The following ACOT11 variants were observed in gnomAD, a reference collection of about 807,000 sequenced individuals.
ACOT11 encodes the protein acyl-CoA thioesterase 11.
In ACOT11, 69 loss-of-function variants were observed where a neutral mutation model predicts 77.5. The ratio of observed to expected loss-of-function variants is 0.89; its 90% CI spans 0.73 to 1.09. The LOEUF (loss-of-function observed/expected upper bound fraction) is 1.09, where lower values mean the gene tolerates loss of function less well. Ranked by LOEUF, ACOT11 falls within the 50% of genes least tolerant of loss-of-function variation. ACOT11 has a pLI of 0.00. For missense variants in ACOT11, 766 were observed against 813.7 expected (o/e 0.94, Z 0.71); for synonymous variants, 279 against 313.0 (o/e 0.89, Z 1.15).
At chr1:54,551,130 C>CAAAAAAAAAAAA (rs11367325) in intron 1 of ACOT11, among the ~76,000 whole-genome samples, 2 of 90,948 alleles carry the variant, frequency 2.2e-5, no homozygotes, top group African/African-American at 9.1e-5. Flanking sequence ...ACAGTGGTCT[C>CAAAAAAAAAAAA]AAAAAAAAAA....
At chr1:54,612,566 C>T (rs745349315), downstream of ACOT11, 6 of 1,613,960 alleles carry the variant, frequency 3.7e-6, no homozygotes, top group East Asian at 2.2e-5. Flanking sequence ...AGGTGACCCT[C>T]TGGGGCACTC....
intron 11 of ACOT11, 68 bp from the exon 12 acceptor site, chr1:54,604,278 C>G (rs997211440): frequency 2.0e-6 from 3 of 1,482,538 alleles, no homozygotes; most frequent in Admixed American, 1.7e-5. Flanking sequence ...CTGGCACACC[C>G]TTGGCCTTGG....
chr1:54,557,242 A>C (rs891113275), intron 1 of ACOT11, among the ~76,000 whole-genome samples: 2 of 151,858 alleles, frequency 1.3e-5, no homozygotes, highest in African/African-American at 2.4e-5. Flanking sequence ...AAATACAAAA[A>C]TTAGTCAGGT....
At chr1:54,553,019 G>A (rs537682973) in intron 1 of ACOT11, among the ~76,000 whole-genome samples, 1 of 150,306 alleles carries the variant, frequency 6.7e-6, no homozygotes, top group African/African-American at 2.4e-5. Flanking sequence ...TAGAGATGGG[G>A]TTTCTCCATG....
chr1:54,623,320 C>A, intron 15 of ACOT11: 1 of 1,614,140 alleles, frequency 6.2e-7, no homozygotes, highest in Non-Finnish European at 8.5e-7. Flanking sequence ...GCGGCAATGA[C>A]CACCACAGAC....
At chr1:54,599,192 A>ATG (rs1643932061) in intron 7 of ACOT11, 104 bp from the exon 8 acceptor site, 1 of 19,690 alleles carries the variant, frequency 5.1e-5, no homozygotes, top group Non-Finnish European at 1.2e-4. Context: ...ATATATATAT[A>ATG]TATATATATA....
At chr1:54,615,990 G>C in intron 15 of ACOT11, 1 of 1,610,092 alleles carries the variant, frequency 6.2e-7, no homozygotes, top group Non-Finnish European at 8.5e-7. Flanking sequence ...AGGGCTGGGG[G>C]CCGGAGAGGG....
chr1:54,599,211 TATATATATATATAA>T (rs1217509600), intron 7 of ACOT11, 71 bp from the exon 8 acceptor site: 1,808 of 70,310 alleles, frequency 0.026, 121 homozygotes, highest in Middle Eastern at 0.05. Context: ...TATATATATA[TATATATATATATAA>T]AAATCTGGCC....
At chr1:54,630,930 A>ATGGG in intron 16 of ACOT11, 1 of 663,082 alleles carries the variant, frequency 1.5e-6, no homozygotes, top group Non-Finnish European at 2.8e-6. Context: ...TAACAATGGG[A>ATGGG]TGGGTATGGG....
downstream of ACOT11, among the ~76,000 whole-genome samples, chr1:54,614,389 C>T (rs963515480): frequency 6.6e-6 from 1 of 151,062 alleles, no homozygotes; most frequent in Non-Finnish European, 1.5e-5. Flanking sequence ...AATCTATGAA[C>T]ACCCAGTGAC....
intron 15 of ACOT11, among the ~76,000 whole-genome samples, chr1:54,627,352 G>A (rs1255992068): frequency 3.7e-5 from 5 of 135,234 alleles, no homozygotes; most frequent in East Asian, 2.3e-4. Context: ...TCTGCAGGAT[G>A]TCTGGGAGGA....
chr1:54,584,978 T>C lies in ACOT11; in HGVS notation c.241+116T>C. On this transcript the variant is annotated intron_variant, in intron 2 of 15. Coordinates refer to ENST00000343744, the MANE Select transcript of ACOT11 (RefSeq NM_147161.4). This position sits in a 1 kb window ranked among gnomAD's most constrained non-coding sequence, Gnocchi z 6.3. ...GCCACACTTGTTTCTCATCTTGGCCTTTGCTCATGCTGGTCCCTTTGTCTG... is the reference window on the plus strand; with the variant it reads ...GCCACACTTGTTTCTCATCTTGGCCCTTGCTCATGCTGGTCCCTTTGTCTG... 1 of 1,150,310 alleles carries C rather than the reference T, an allele frequency of 8.7e-7. No homozygotes were observed. Among genetic ancestry groups the C allele is most frequent in the Non-Finnish European group, 1.2e-6 (1 of 819,570 alleles). 71.3% of individuals were successfully genotyped at this position (1,150,310 alleles called of 1,614,324 possible).
intron 1 of ACOT11, among the ~76,000 whole-genome samples, chr1:54,581,215 G>A (rs1044117699): frequency 6.6e-6 from 1 of 152,202 alleles, no homozygotes; most frequent in Non-Finnish European, 1.5e-5. Flanking sequence ...GTGCTGTGTG[G>A]AGGCTGGAAG....
chr1:54,622,847 G>C (rs1569806775), intron 15 of ACOT11, among the ~76,000 whole-genome samples: 1 of 494 alleles, frequency 2.0e-3, no homozygotes, highest in East Asian at 0.071. Context: ...AGCTGTGGAT[G>C]GGGGAATGAG....
chr1:54,609,230 TC>T lies in ACOT11; in HGVS notation c.*120del, dbSNP rs1325126497. 1.1e-5 allele frequency: 17 copies of T among 1,591,598 alleles called. No individual in the cohort carries two copies. The highest frequency in any genetic ancestry group is 8.6e-7 in the Non-Finnish European group (1 of 1,167,550). On this transcript the variant is annotated 3_prime_UTR_variant, in exon 16 of 16. Transcript: ENST00000343744. ...TCTTCCTGCCTCCCCGTGGGAAGCCTCCGCCCTGAGGTCCGCTGGCCCACCA... is the reference window on the plus strand; with the variant it reads ...TCTTCCTGCCTCCCCGTGGGAAGCCTCGCCCTGAGGTCCGCTGGCCCACCA...
chr1:54,614,646 A>T, downstream of ACOT11: 1 of 1,543,576 alleles, frequency 6.5e-7, no homozygotes, highest in Non-Finnish European at 8.8e-7. Context: ...ATCCTGTGGT[A>T]GGTGTTGACA....
At chr1:54,608,225 A>C (rs577040148) in intron 15 of ACOT11, among the ~76,000 whole-genome samples, 157 bp downstream of exon 15, 121 of 152,228 alleles carry the variant, frequency 7.9e-4, no homozygotes, top group African/African-American at 2.7e-3. Flanking sequence ...TCAGGGGCTG[A>C]AAATGATCTA....
chr1:54,615,005 T>A, downstream of ACOT11: 1 of 767,488 alleles, frequency 1.3e-6, no homozygotes, highest in Non-Finnish European at 2.1e-6. Flanking sequence ...CAGCACCACA[T>A]CCCTGCAGGG....
At chr1:54,601,122 T>TGTGTATGTGTGTGCATAC (rs1441483186) in intron 8 of ACOT11, 147 bp from the exon 9 acceptor site, 1 of 751,076 alleles carries the variant, frequency 1.3e-6, no homozygotes, top group African/African-American at 2.1e-5. Context: ...CATACATGTG[T>TGTGTATGTGTGTGCATAC]GTGTATGTGT....
Sources: allele counts gnomAD v4.1 joint callset (sites outside exome capture counted in the v4.1 genomes callset), GRCh38; gene constraint gnomAD v4.1.1; non-coding constraint Gnocchi (gnomAD v3.1); transcripts MANE v1.5; gene names NCBI Gene and HGNC (gene_info 2026-07-23, HGNC 2026-07-21).